FHIT: variants seen among roughly 807,000 people sequenced by gnomAD.
FHIT encodes fragile histidine triad diadenosine triphosphatase.
A neutral mutation model predicts 17.9 loss-of-function variants in FHIT; 19 were observed. That is an observed-to-expected ratio of 1.06 (90% CI 0.74 to 1.56). FHIT has a LOEUF of 1.56. Among genes scored for constraint, FHIT ranks in the 40% most tolerant of loss-of-function variants. The probability of loss-of-function intolerance (pLI) is 0.00; values close to 1 mark genes in which losing one functional copy is unlikely to be tolerated. For missense variants in FHIT, 248 were observed against 189.2 expected (o/e 1.31, Z -1.82); for synonymous variants, 81 against 69.7 (o/e 1.16, Z -0.81).
intron 3 of FHIT, among the ~76,000 whole-genome samples, chr3:60,836,671 T>A (rs1270669711): frequency 1.3e-5 from 2 of 152,150 alleles, no homozygotes; most frequent in Non-Finnish European, 2.9e-5. Flanking sequence ...GCCCACTGTT[T>A]ACAGAGTCCA....
chr3:61,202,463 T>C (rs1161404768), intron 1 of FHIT, among the ~76,000 whole-genome samples: 1 of 49,606 alleles, frequency 2.0e-5, no homozygotes, highest in African/African-American at 7.4e-5. Flanking sequence ...ATCTTTTCTG[T>C]TCTTCCCCAA....
chr3:61,203,534 A>C (rs963881449), intron 1 of FHIT, among the ~76,000 whole-genome samples: 3 of 152,202 alleles, frequency 2.0e-5, no homozygotes, highest in African/African-American at 7.2e-5. Flanking sequence ...TCCCAGAAGG[A>C]AGCAGTGAGA....
intron 8 of FHIT, among the ~76,000 whole-genome samples, chr3:59,839,877 C>A (rs1041866608): frequency 1.3e-5 from 2 of 152,182 alleles, no homozygotes; most frequent in African/African-American, 4.8e-5. Context: ...ATTTGTCAGG[C>A]CTGGTATTAA....
chr3:60,578,901 T>G (rs2037662843), intron 4 of FHIT, among the ~76,000 whole-genome samples: 1 of 152,176 alleles, frequency 6.6e-6, no homozygotes, highest in Admixed American at 6.5e-5. Flanking sequence ...TCTAGATGTC[T>G]TCTTTTATAT....
At chr3:60,056,581 C>A (rs1247896243) in intron 5 of FHIT, among the ~76,000 whole-genome samples, 3 of 152,222 alleles carry the variant, frequency 2.0e-5, no homozygotes, top group Non-Finnish European at 4.4e-5. Flanking sequence ...GTGTGCTTTG[C>A]TCTGTTGTTC....
chr3:60,489,726 G>T (rs964190784), intron 5 of FHIT, among the ~76,000 whole-genome samples: 2 of 152,162 alleles, frequency 1.3e-5, no homozygotes, highest in African/African-American at 4.8e-5. Context: ...GGTAATTTTT[G>T]GGGATCTCTG....
intron 7 of FHIT, among the ~76,000 whole-genome samples, chr3:59,965,673 A>T (rs1028705437): frequency 1.1e-4 from 16 of 152,216 alleles, no homozygotes; most frequent in Admixed American, 9.8e-4. Context: ...AGAACCTTCA[A>T]GTGATTCTTG....
intron 4 of FHIT, among the ~76,000 whole-genome samples, chr3:60,797,140 A>G (rs536611125): frequency 3.3e-5 from 5 of 152,332 alleles, no homozygotes; most frequent in South Asian, 2.1e-4. Context: ...AAAACACATC[A>G]GGGCTTCTGT....
intron 8 of FHIT, among the ~76,000 whole-genome samples, chr3:59,875,837 T>C (rs1174867076): frequency 6.6e-6 from 1 of 152,100 alleles, no homozygotes; most frequent in African/African-American, 2.4e-5. Flanking sequence ...TGGATTCATA[T>C]GCCAGCCATG....
At chr3:60,029,897 CTGTGTGTGTG>C (rs71089569) in intron 5 of FHIT, among the ~76,000 whole-genome samples, 4 of 127,818 alleles carry the variant, frequency 3.1e-5, no homozygotes, top group African/African-American at 1.0e-4. Flanking sequence ...GTGTGTGTGT[CTGTGTGTGTG>C]TGTGTGTGTG....
At chr3:60,284,881 T>C (rs1020510327) in intron 5 of FHIT, among the ~76,000 whole-genome samples, 2 of 152,296 alleles carry the variant, frequency 1.3e-5, no homozygotes, top group South Asian at 2.1e-4. Flanking sequence ...AAGGATTATT[T>C]AATTCTCTAA....
intron 5 of FHIT, among the ~76,000 whole-genome samples, chr3:60,416,151 G>A (rs891350523): frequency 1.3e-5 from 2 of 151,502 alleles, no homozygotes; most frequent in African/African-American, 2.4e-5. Context: ...TTTTGAAAAG[G>A]CAAATAATTA....
At chr3:60,027,121 A>ACT (rs1700774016) in intron 5 of FHIT, among the ~76,000 whole-genome samples, 1 of 129,270 alleles carries the variant, frequency 7.7e-6, no homozygotes, top group African/African-American at 3.3e-5. Context: ...ACACACACAC[A>ACT]CACACACACA....
chr3:59,885,412 G>C (rs558529241), intron 8 of FHIT, among the ~76,000 whole-genome samples: 1 of 151,680 alleles, frequency 6.6e-6, no homozygotes, highest in Admixed American at 6.6e-5. Flanking sequence ...AGCCCTAAAG[G>C]GCTTCTAGAA....
chr3:60,215,518 G>A (rs1005285191), intron 5 of FHIT, among the ~76,000 whole-genome samples: 3 of 151,866 alleles, frequency 2.0e-5, no homozygotes, highest in African/African-American at 4.8e-5. Context: ...AGCCAAGATC[G>A]CGCCACTGCA....
At chr3:60,502,621 ATTT>A (rs2034568291) in intron 5 of FHIT, among the ~76,000 whole-genome samples, 1 of 152,150 alleles carries the variant, frequency 6.6e-6, no homozygotes. Flanking sequence ...TCATTTGATA[ATTT>A]TTTATTTATT....
intron 8 of FHIT, among the ~76,000 whole-genome samples, chr3:59,915,154 T>A (rs1316176462): frequency 2.0e-5 from 3 of 152,120 alleles, no homozygotes; most frequent in Non-Finnish European, 4.4e-5. Context: ...GGAGGCATTT[T>A]CCTCCTTCAC....
chr3:60,204,074 G>A (rs763523991), intron 5 of FHIT, among the ~76,000 whole-genome samples: 1 of 152,126 alleles, frequency 6.6e-6, no homozygotes, highest in Non-Finnish European at 1.5e-5. Flanking sequence ...TAAAATAAAA[G>A]AGTATAATTG....
chr3:60,535,713 T>C (rs377201345), intron 5 of FHIT: 2 of 151,946 alleles, frequency 1.3e-5, no homozygotes, highest in South Asian at 2.1e-4. Flanking sequence ...GTTTTCTAAA[T>C]TAATACAATT....
Sources: allele counts gnomAD v4.1 joint callset (sites outside exome capture counted in the v4.1 genomes callset), GRCh38; gene constraint gnomAD v4.1.1; transcripts MANE v1.5; gene names NCBI Gene and HGNC (gene_info 2026-07-23, HGNC 2026-07-21).